The following ZMYND19 variants were observed in gnomAD, a reference collection of about 807,000 sequenced individuals.
The protein encoded by ZMYND19 is zinc finger MYND-type containing 19, also known as zinc finger MYND domain-containing protein 19.
Under a neutral mutation model 32.0 loss-of-function variants are expected in ZMYND19, and 17 were observed. That is an observed-to-expected ratio of 0.53 (90% CI 0.36 to 0.80). The LOEUF is 0.80. ZMYND19 is among the 30% of genes least tolerant of loss of function. The probability of loss-of-function intolerance (pLI) is 0.00; values close to 1 mark genes in which losing one functional copy is unlikely to be tolerated. For missense variants in ZMYND19, 250 were observed against 293.6 expected, an observed-to-expected ratio of 0.85 and a Z score of 1.09; for synonymous variants, 124 against 113.6, an observed-to-expected ratio of 1.09 and a Z score of -0.58.
intron 1 of ZMYND19, chr9:137,588,947 C>A: frequency 1.9e-6 from 1 of 533,098 alleles, no homozygotes; most frequent in South Asian, 2.3e-5. Flanking sequence ...CAGCTGCCCA[C>A]TTTAGTCTGC....
chr9:137,588,088 C>T (rs1374377608), intron 2 of ZMYND19, among the ~76,000 whole-genome samples: 2 of 152,194 alleles, frequency 1.3e-5, no homozygotes, highest in African/African-American at 2.4e-5. Context: ...ATACATTTTC[C>T]TACCCTTAAA....
rs201145992 is a variant in ZMYND19, at chr9:137,583,175, A to C, written c.360-12T>G. ...ACAAGCTTTGCTCCCTTAAAGAAAG[A>C]AGCAGACACTTGAGTGCACTCTGGC... On this transcript the variant is annotated splice_polypyrimidine_tract_variant and intron_variant, in intron 4 of 5. Coordinates refer to ENST00000298585, the MANE Select transcript of ZMYND19 (RefSeq NM_138462.3). 4 of 1,612,936 alleles carry C rather than the reference A, an allele frequency of 2.5e-6. No individual in the cohort carries two copies. The highest frequency in any genetic ancestry group is 2.2e-5 in the East Asian group (1 of 44,878).
intron 5 of ZMYND19, 132 bp from the exon 6 acceptor site, chr9:137,582,818 TCAGGCCAG>T (rs1158414649): frequency 1.3e-6 from 2 of 1,504,920 alleles, no homozygotes; most frequent in East Asian, 4.6e-5. Flanking sequence ...TGGGCCCTGG[TCAGGCCAG>T]CACAAGGGCA....
At chr9:137,588,568 T>C in intron 2 of ZMYND19, 91 bp downstream of exon 2, 7 of 1,433,032 alleles carry the variant, frequency 4.9e-6, no homozygotes, top group Non-Finnish European at 6.9e-6. Flanking sequence ...GGCCGCCTGC[T>C]CTTGCAGCAC....
rs773674837 is a variant in ZMYND19 at position 137,582,713 on chromosome 9, AC to A, written c.541-28del. The stretch of plus-strand genomic sequence containing the variant: ...TGAAATACAGAACACCTGTGGCTTC[AC>A]CATCATGCCTGGGACGCAGTGTGGG... On this transcript the variant is annotated intron_variant, in intron 5 of 5. Transcript: ENST00000298585. 6.2e-6 allele frequency: 10 copies of A among 1,607,814 alleles called. No homozygotes were observed. The Admixed American group carries it at 8.4e-5, about 13-fold the overall frequency.
chr9:137,588,564 C>A (rs1349566824), intron 2 of ZMYND19, 95 bp downstream of exon 2: 6 of 1,427,786 alleles, frequency 4.2e-6, no homozygotes, highest in Admixed American at 3.5e-5. Flanking sequence ...GTGGGGCCGC[C>A]TGCTCTTGCA....
Position 137,587,009 on chromosome 9 carries a change from C to A in ZMYND19, c.317G>T (p.Trp106Leu). The part of the protein sequence containing the change: ...NRLDNLQLVP[W>L]GWRPKAEETS... ...CTCTTCAGCCTTGGGCCGCCAGCCC[C>A]ACGGCACCAGTTGCAGGTTGTCCAG... The change falls in exon 4 of 6, where the codon TGG (tryptophan) becomes TTG (leucine). Residue 106 changes from tryptophan (W) to leucine (L), a missense_variant. Coordinates refer to ENST00000298585, the MANE Select transcript of ZMYND19 (RefSeq NM_138462.3). 6.2e-7 allele frequency: 1 copy of A among 1,612,572 alleles called. No homozygotes were observed. The highest frequency in any genetic ancestry group is 8.5e-7 in the Non-Finnish European group (1 of 1,180,020).
intron 1 of ZMYND19, chr9:137,589,666 C>G (rs1456021482): frequency 1.0e-6 from 1 of 985,346 alleles, no homozygotes; most frequent in African/African-American, 1.7e-5. Context: ...CTCTCTGCTC[C>G]GAGTCTGAGG....
chr9:137,587,216 G>A (rs1001426463), intron 3 of ZMYND19, 109 bp from the exon 4 acceptor site: 4 of 1,521,738 alleles, frequency 2.6e-6, no homozygotes, highest in Non-Finnish European at 2.6e-6. Context: ...TGTCAGCCAT[G>A]TGATCTGATC....
chr9:137,585,590 G>A (rs145129732), intron 4 of ZMYND19, among the ~76,000 whole-genome samples: 2 of 152,224 alleles, frequency 1.3e-5, no homozygotes, highest in East Asian at 3.9e-4. Context: ...TTCAGGCTCT[G>A]CCTTCGTCCT....
intron 4 of ZMYND19, among the ~76,000 whole-genome samples, chr9:137,585,261 A>ATGGCT (rs1842191587): frequency 6.6e-6 from 1 of 151,456 alleles, no homozygotes; most frequent in Admixed American, 6.6e-5. Flanking sequence ...CACCTCTACT[A>ATGGCT]AAAATACAAA....
At chr9:137,585,266 T>C (rs1842191660) in intron 4 of ZMYND19, among the ~76,000 whole-genome samples, 1 of 151,484 alleles carries the variant, frequency 6.6e-6, no homozygotes, top group Non-Finnish European at 1.5e-5. Context: ...CTACTAAAAA[T>C]ACAAAAATTA....
At position 137,590,289 on chromosome 9, in the gene ZMYND19, A is replaced by AGCGCCGCTCCCTCGGGAG. The variant is rs1842258584; in HGVS notation, c.-44_-27dup. 9.5e-7 allele frequency: 1 copy of AGCGCCGCTCCCTCGGGAG among 1,056,808 alleles called. No homozygotes were observed. Among genetic ancestry groups the AGCGCCGCTCCCTCGGGAG allele is most frequent in the African/African-American group, 1.7e-5 (1 of 57,900 alleles). The allele number at this position is 1,056,808 out of a possible 1,614,324, so 65.5% of individuals were successfully genotyped here. ...GGCCGGGCCTGCGCTCTCGGCCGGC[A>AGCGCCGCTCCCTCGGGAG]GCGCCGCTCCCTCGGGAGGCGCCGA... On this transcript the variant is annotated 5_prime_UTR_variant, in exon 1 of 6. Coordinates refer to ENST00000298585, the MANE Select transcript of ZMYND19 (RefSeq NM_138462.3). This position sits in a 1 kb window ranked among gnomAD's most constrained non-coding sequence, Gnocchi z 4.2.
chr9:137,584,259 C>A (rs1041987803), intron 4 of ZMYND19, among the ~76,000 whole-genome samples: 9 of 152,230 alleles, frequency 5.9e-5, no homozygotes, highest in African/African-American at 1.9e-4. Flanking sequence ...CCTGAGCCAC[C>A]CCAGGCCCAC....
At chr9:137,588,337 A>G (rs1293119656) in intron 2 of ZMYND19, among the ~76,000 whole-genome samples, 2 of 152,246 alleles carry the variant, frequency 1.3e-5, no homozygotes, top group Non-Finnish European at 1.5e-5. Flanking sequence ...CTTCGAGCTA[A>G]CAGACATGGT....
intron 3 of ZMYND19, 148 bp downstream of exon 3, chr9:137,587,568 GT>G: frequency 1.4e-6 from 1 of 709,540 alleles, no homozygotes; most frequent in East Asian, 2.5e-5. Flanking sequence ...GTTCCTTTGG[GT>G]TAGTGGTGAA....
At chr9:137,587,199 G>T in intron 3 of ZMYND19, 92 bp from the exon 4 acceptor site, 2 of 1,539,680 alleles carry the variant, frequency 1.3e-6, no homozygotes, top group South Asian at 2.4e-5. Flanking sequence ...GTCCTTCCAG[G>T]AAGAAATGTC....
At position 137,586,978 on chromosome 9, in the gene ZMYND19, G is replaced by A; in HGVS notation, c.348C>T (p.Ser116=). 6.2e-7 allele frequency: 1 copy of A among 1,612,312 alleles called. No homozygotes were observed. Residue 116 remains serine, a synonymous_variant, in exon 4 of 6, where the codon TCC becomes TCT. Coordinates refer to ENST00000298585, the MANE Select transcript of ZMYND19 (RefSeq NM_138462.3). ...WGWRPKAEET[S]SKQREQSLYW... ...CTGAGAAGACCCACCTCTGCTTGCT[G>A]GAGGTCTCTTCAGCCTTGGGCCGCC...
At position 137,590,319 on chromosome 9, in the gene ZMYND19, G is replaced by C. The variant is rs912693318; in HGVS notation, c.-56C>G. 6.9e-6 allele frequency: 7 copies of C among 1,012,018 alleles called. No homozygotes were observed. The highest frequency in any genetic ancestry group is 1.7e-5 in the African/African-American group (1 of 57,230). The allele number at this position is 1,012,018 out of a possible 1,614,324, so 62.7% of individuals were successfully genotyped here. ...CGCTCCCTCGGGAGGCGCCGAGCGG[G>C]GGCCGGGGCGAGGCCGCGGCGCGCC... On this transcript the variant is annotated 5_prime_UTR_variant, in exon 1 of 6. Transcript: ENST00000298585. The surrounding 1 kb of genome is among the most constrained non-coding windows in gnomAD (Gnocchi z 4.2).
Sources: gnomAD v4.1 joint callset for allele counts (sites outside exome capture counted in the v4.1 genomes callset) on GRCh38, gnomAD v4.1.1 for gene constraint, Gnocchi (gnomAD v3.1) non-coding constraint, MANE v1.5 for transcripts, NCBI Gene and HGNC (gene_info 2026-07-23, HGNC 2026-07-21) for gene names.